The following SMAP2 variants were observed in gnomAD, a reference collection of about 807,000 sequenced individuals.
SMAP2 encodes stromal membrane-associated protein 2.
SMAP2 carries 25 observed loss-of-function variants against 56.4 expected under a neutral mutation model. The observed-to-expected ratio is 0.44, with a 90% CI of 0.32 to 0.62. The LOEUF (loss-of-function observed/expected upper bound fraction) is 0.62. Ranked by LOEUF, SMAP2 falls within the 20% of genes least tolerant of loss-of-function variation. The probability of loss-of-function intolerance (pLI) is 0.04; values close to 1 mark genes in which losing one functional copy is unlikely to be tolerated. For missense variants in SMAP2, 388 were observed against 545.6 expected (o/e 0.71, Z 2.88); for synonymous variants, 157 against 181.7 (o/e 0.86, Z 1.09).
intron 1 of SMAP2, among the ~76,000 whole-genome samples, chr1:40,348,049 C>A (rs1186773057): frequency 2.6e-5 from 4 of 152,146 alleles, no homozygotes; most frequent in Admixed American, 2.6e-4. Context: ...GTAATCCCAG[C>A]ACTTCAGGAG....
intron 1 of SMAP2, among the ~76,000 whole-genome samples, chr1:40,352,168 A>C (rs1218036083): frequency 2.0e-5 from 3 of 152,316 alleles, no homozygotes; most frequent in South Asian, 2.1e-4. Flanking sequence ...GTTTAAAATA[A>C]ATAGTGTTGA....
intron 1 of SMAP2, among the ~76,000 whole-genome samples, chr1:40,383,212 C>A (rs1186122988): frequency 6.6e-6 from 1 of 152,174 alleles, no homozygotes; most frequent in African/African-American, 2.4e-5. Flanking sequence ...TCACCAAGGG[C>A]TGGAAGTCCG....
chr1:40,405,424 G>C (rs1435075410), intron 1 of SMAP2, among the ~76,000 whole-genome samples: 1 of 152,186 alleles, frequency 6.6e-6, no homozygotes, highest in African/African-American at 2.4e-5. Context: ...AGGAAGACGA[G>C]GCTGCAGTGA....
rs116288253 is a variant in SMAP2 at position 40,393,380 on chromosome 1, C to T, written c.104-13356C>T. Reference sequence around the variant, plus strand: ...GAGTGCAGCAGGAGAGGCAGCAGAGCGCCGTGGGAGTTGGAATAGGAAGGA... The same window carrying T: ...GAGTGCAGCAGGAGAGGCAGCAGAGTGCCGTGGGAGTTGGAATAGGAAGGA... On this transcript the variant is annotated intron_variant, in intron 1 of 9. Coordinates refer to ENST00000372718, the MANE Select transcript of SMAP2 (RefSeq NM_022733.3). 2.1e-3 allele frequency: 3,206 copies of T among 1,535,232 alleles called. 69 individuals carry two copies. The African/African-American group carries it at 0.04, about 19-fold the overall frequency.
chr1:40,413,970 G>A, intron 5 of SMAP2, 189 bp from the exon 6 acceptor site: 1 of 566,104 alleles, frequency 1.8e-6, no homozygotes, highest in African/African-American at 1.9e-5. Context: ...TTCATTTTAG[G>A]TTTGGTTTAT....
chr1:40,408,788 G>A lies in SMAP2; in HGVS notation c.323+50G>A, dbSNP rs371208636. On this transcript the variant is annotated intron_variant, in intron 3 of 9. Transcript: ENST00000372718. This position sits in a 1 kb window ranked among gnomAD's most constrained non-coding sequence, Gnocchi z 4.3. ...AGGCTGAGTGGTATTTTGATGCTTG[G>A]GGAGAGTCAGACAAGACTCCAGTCC... The A allele has an allele frequency of 1.4e-6, 2 of 1,462,198 alleles. No individual in the cohort carries two copies. Among genetic ancestry groups the A allele is most frequent in the African/African-American group, 1.4e-5 (1 of 71,936 alleles). 90.6% of individuals were successfully genotyped at this position (1,462,198 alleles called of 1,614,324 possible).
chr1:40,356,368 TA>T (rs1472875053), intron 1 of SMAP2, among the ~76,000 whole-genome samples: 1 of 152,074 alleles, frequency 6.6e-6, no homozygotes, highest in East Asian at 1.9e-4. Context: ...TGCTGGATCA[TA>T]TGGTTGTTCT....
chr1:40,420,288 A>C (rs556582273), intron 9 of SMAP2, among the ~76,000 whole-genome samples: 1 of 152,156 alleles, frequency 6.6e-6, no homozygotes, highest in African/African-American at 2.4e-5. Flanking sequence ...TTTTATTTAT[A>C]TAAGTAATGG....
chr1:40,406,247 A>G (rs1432085278), intron 1 of SMAP2, among the ~76,000 whole-genome samples: 1 of 152,242 alleles, frequency 6.6e-6, no homozygotes, highest in Non-Finnish European at 1.5e-5. Flanking sequence ...TTTTCTTAAT[A>G]TAAGTAACAG....
intron 1 of SMAP2, among the ~76,000 whole-genome samples, chr1:40,352,699 T>A (rs571160893): frequency 1.8e-4 from 27 of 151,966 alleles, no homozygotes; most frequent in African/African-American, 6.5e-4. Flanking sequence ...GCTAATTTTT[T>A]AAAAAGTTTG....
At chr1:40,373,453 C>T (rs1318842016), upstream of SMAP2, among the ~76,000 whole-genome samples, 2 of 152,224 alleles carry the variant, frequency 1.3e-5, no homozygotes, top group Non-Finnish European at 1.5e-5. Flanking sequence ...ATAGTAAGAG[C>T]TCAGTAAATG....
rs1644963185 is a variant in SMAP2 at position 40,414,073 on chromosome 1, C to G, written c.490-86C>G. 3 of 1,207,684 alleles carry G rather than the reference C, an allele frequency of 2.5e-6. No individual in the cohort carries two copies. In the East Asian group the frequency reaches 7.1e-5, roughly 29 times the overall value. 74.8% of individuals were successfully genotyped at this position (1,207,684 alleles called of 1,614,324 possible). On this transcript the variant is annotated intron_variant, in intron 5 of 9. Coordinates refer to ENST00000372718, the MANE Select transcript of SMAP2 (RefSeq NM_022733.3). ...CTTTGAATAACAGCAGCCCTACCCA[C>G]AAGAACACCGTGGCTTTACAGTGGA...
intron 1 of SMAP2, among the ~76,000 whole-genome samples, chr1:40,380,529 C>CATTTTT (rs1644586773): frequency 7.0e-6 from 1 of 142,878 alleles, no homozygotes; most frequent in African/African-American, 2.6e-5. Flanking sequence ...ATCTGTGGCA[C>CATTTTT]TTTTTTTTTT....
upstream of SMAP2, among the ~76,000 whole-genome samples, chr1:40,371,043 C>T (rs563345639): frequency 1.3e-3 from 197 of 151,980 alleles, no homozygotes; most frequent in African/African-American, 4.4e-3. Context: ...AGTGGTGGCA[C>T]GTGCCTGTAG....
At position 40,408,400 on chromosome 1, in the gene SMAP2, G is replaced by A. The variant is rs538833475; in HGVS notation, c.238-253G>A. Among the ~76,000 whole-genome samples, 1 of 152,186 alleles carries A rather than the reference G, an allele frequency of 6.6e-6. No individual in the cohort carries two copies. Among genetic ancestry groups the A allele is most frequent in the Non-Finnish European group, 1.5e-5 (1 of 68,024 alleles). On this transcript the variant is annotated intron_variant, in intron 2 of 9. Transcript: ENST00000372718. This position sits in a 1 kb window ranked among gnomAD's most constrained non-coding sequence, Gnocchi z 4.3. Reference sequence around the variant, plus strand: ...ATCTTGATTTATTACTGAATTGAATGTATCTTGGTACACAAATATTTCAGT... The same window carrying A: ...ATCTTGATTTATTACTGAATTGAATATATCTTGGTACACAAATATTTCAGT...
At chr1:40,406,934 T>TA in intron 2 of SMAP2, 65 bp downstream of exon 2, 1 of 1,500,630 alleles carries the variant, frequency 6.7e-7, no homozygotes, top group Non-Finnish European at 9.0e-7. Flanking sequence ...CCAGATGAAT[T>TA]TCAGTCAAAC....
chr1:40,355,309 T>C (rs935062801), intron 1 of SMAP2, among the ~76,000 whole-genome samples: 1 of 152,188 alleles, frequency 6.6e-6, no homozygotes, highest in Non-Finnish European at 1.5e-5. Context: ...TCAGTGCCTG[T>C]TTACTAAGAA....
At chr1:40,399,503 T>G (rs992793474) in intron 1 of SMAP2, among the ~76,000 whole-genome samples, 5 of 149,630 alleles carry the variant, frequency 3.3e-5, no homozygotes, top group African/African-American at 1.2e-4. Context: ...TTTTTTTTTT[T>G]CCTGACTCTT....
chr1:40,383,122 G>A (rs1173336970), intron 1 of SMAP2, among the ~76,000 whole-genome samples: 2 of 152,210 alleles, frequency 1.3e-5, no homozygotes, highest in Non-Finnish European at 2.9e-5. Flanking sequence ...CCAAGAAGCT[G>A]AACAGGGGCT....
Sources: allele counts gnomAD v4.1 joint callset (sites outside exome capture counted in the v4.1 genomes callset), GRCh38; gene constraint gnomAD v4.1.1; non-coding constraint Gnocchi (gnomAD v3.1); transcripts MANE v1.5; gene names NCBI Gene and HGNC (gene_info 2026-07-23, HGNC 2026-07-21).